TRAF3: variants seen among roughly 807,000 people sequenced by gnomAD.
The protein encoded by TRAF3 is TNF receptor associated factor 3.
Under a neutral mutation model 62.3 loss-of-function variants are expected in TRAF3, and 13 were observed. The ratio of observed to expected loss-of-function variants is 0.21; its 90% CI spans 0.14 to 0.33. The LOEUF (loss-of-function observed/expected upper bound fraction) is 0.33. TRAF3 is among the 10% of genes least tolerant of loss of function. The pLI is 1.00. For missense variants in TRAF3, 440 were observed against 741.8 expected, an observed-to-expected ratio of 0.59 and a Z score of 4.73; for synonymous variants, 269 against 283.4, an observed-to-expected ratio of 0.95 and a Z score of 0.51.
At position 102,876,612 on chromosome 14, in the gene TRAF3, G is replaced by A. The variant is rs537871556; in HGVS notation, c.570+87G>A. ...CTTCCGCTCAATTCGTAGATAATCC[G>A]TTCCACAGGCCTTCCCTCAACTCAT... On this transcript the variant is annotated intron_variant, in intron 6 of 11. Transcript: ENST00000392745. 204 of 1,523,110 alleles carry A rather than the reference G, an allele frequency of 1.3e-4. 1 individual carries two copies. The highest frequency in any genetic ancestry group is 1.1e-4 in the African/African-American group (8 of 72,316). 94.3% of individuals were successfully genotyped at this position (1,523,110 alleles called of 1,614,324 possible).
At chr14:102,895,190 A>G in intron 9 of TRAF3, 1 of 450,268 alleles carries the variant, frequency 2.2e-6, no homozygotes. Context: ...CCCGCTCCAC[A>G]TTCGTGCAGG....
chr14:102,811,487 CTCT>C (rs1457672378), intron 1 of TRAF3, among the ~76,000 whole-genome samples: 2 of 149,028 alleles, frequency 1.3e-5, no homozygotes, highest in East Asian at 3.9e-4. Flanking sequence ...CCATGCCTGG[CTCT>C]TGACCATTCC....
At chr14:102,882,562 A>ATTTTTTTTT (rs1266709056) in intron 6 of TRAF3, among the ~76,000 whole-genome samples, 1 of 109,878 alleles carries the variant, frequency 9.1e-6, no homozygotes. Context: ...ATTCCCATGT[A>ATTTTTTTTT]TTTTGTTTTT....
chr14:102,908,456 C>T lies in TRAF3; in HGVS notation c.*2672C>T, dbSNP rs1006378450. 4.6e-5 allele frequency: 7 copies of T among 152,474 alleles called. No individual in the cohort carries two copies. The highest frequency in any genetic ancestry group is 9.6e-5 in the African/African-American group (4 of 41,472). 9.4% of individuals were successfully genotyped at this position (152,474 alleles called of 1,614,324 possible). ...CAGCCTGGGACGGCGTCCCCTCTCC[C>T]GGCGGCGGGCAAGCCTTGCGCTGCT... On this transcript the variant is annotated 3_prime_UTR_variant, in exon 12 of 12. Transcript: ENST00000392745.
At chr14:102,895,021 A>G (rs1199048727) in intron 9 of TRAF3, 1 of 453,984 alleles carries the variant, frequency 2.2e-6, no homozygotes, top group African/African-American at 2.0e-5. Flanking sequence ...TGTTTTGGAG[A>G]CATTACTGAG....
chr14:102,903,836 C>T lies in TRAF3; in HGVS notation c.1135+407C>T, dbSNP rs1400307766. ...GGGCAGCAGTCCCACCGCGCTCTGC[C>T]AGCATGTTTCTGATCCACAAGCAGA... On this transcript the variant is annotated intron_variant, in intron 11 of 11. Coordinates refer to ENST00000392745, the MANE Select transcript of TRAF3 (RefSeq NM_145725.3). This position sits in a 1 kb window ranked among gnomAD's most constrained non-coding sequence, Gnocchi z 6.4. The T allele has an allele frequency of 2.2e-6, 1 of 461,412 alleles. No individual in the cohort carries two copies. The highest frequency in any genetic ancestry group is 2.4e-5 in the Admixed American group (1 of 42,372). 28.6% of individuals were successfully genotyped at this position (461,412 alleles called of 1,614,324 possible).
At chr14:102,780,968 C>G (rs1480442907) in intron 1 of TRAF3, among the ~76,000 whole-genome samples, 1 of 152,094 alleles carries the variant, frequency 6.6e-6, no homozygotes, top group African/African-American at 2.4e-5. Flanking sequence ...AGGGTGCTAA[C>G]CCTTCGGGGG....
chr14:102,837,157 G>T (rs557206346), intron 2 of TRAF3, among the ~76,000 whole-genome samples: 8 of 150,930 alleles, frequency 5.3e-5, no homozygotes, highest in Admixed American at 1.3e-4. Flanking sequence ...TTTTGGGGGG[G>T]GGTGAAGGTC....
At chr14:102,853,794 C>A (rs1187314273) in intron 2 of TRAF3, among the ~76,000 whole-genome samples, 1 of 149,430 alleles carries the variant, frequency 6.7e-6, no homozygotes, top group Non-Finnish European at 1.5e-5. Flanking sequence ...GCCGAGATTG[C>A]GGCACTGTAC....
chr14:102,846,451 A>ATGTTTGGTAGGGCTGCACACCTAGG (rs2139705305), intron 2 of TRAF3, among the ~76,000 whole-genome samples: 1 of 152,188 alleles, frequency 6.6e-6, no homozygotes, highest in African/African-American at 2.4e-5. Flanking sequence ...TATATAAGTT[A>ATGTTTGGTAGGGCTGCACACCTAGG]TGTTTGGTAG....
chr14:102,828,619 C>A (rs892574597), intron 1 of TRAF3, among the ~76,000 whole-genome samples: 1 of 152,146 alleles, frequency 6.6e-6, no homozygotes, highest in Admixed American at 6.5e-5. Context: ...ACAGATCATG[C>A]ATATATGTAT....
At chr14:102,839,210 C>CCTTTTTTTTTTTTTTTTTTTTT (rs1310697452) in intron 2 of TRAF3, among the ~76,000 whole-genome samples, 1 of 89,836 alleles carries the variant, frequency 1.1e-5, no homozygotes. Flanking sequence ...GTTGATTTGC[C>CCTTTTTTTTTTTTTTTTTTTTT]TTTTTTTTTT....
At chr14:102,834,045 C>T (rs1165427952) in intron 2 of TRAF3, among the ~76,000 whole-genome samples, 1 of 151,152 alleles carries the variant, frequency 6.6e-6, no homozygotes, top group Non-Finnish European at 1.5e-5. Context: ...TTTACAGACT[C>T]TCTGCTATTC....
intron 1 of TRAF3, among the ~76,000 whole-genome samples, chr14:102,818,427 T>G (rs144054386): frequency 6.6e-6 from 1 of 152,310 alleles, no homozygotes; most frequent in Non-Finnish European, 1.5e-5. Flanking sequence ...AGTGGAAGCA[T>G]TTGAGAAATC....
At chr14:102,793,979 G>A (rs575071748) in intron 1 of TRAF3, among the ~76,000 whole-genome samples, 25 of 152,268 alleles carry the variant, frequency 1.6e-4, no homozygotes, top group South Asian at 1.0e-3. Context: ...CCAGTCATGA[G>A]GGTCCAAGAG....
chr14:102,844,931 A>G (rs1201179789), intron 2 of TRAF3, among the ~76,000 whole-genome samples: 2 of 151,660 alleles, frequency 1.3e-5, no homozygotes, highest in Admixed American at 6.6e-5. Context: ...GGAGTCTCGC[A>G]CTGTTGCCCA....
intron 10 of TRAF3, among the ~76,000 whole-genome samples, chr14:102,900,072 G>A (rs1339906065): frequency 3.3e-5 from 5 of 151,382 alleles, no homozygotes; most frequent in African/African-American, 4.9e-5. Context: ...CCAGCTACTC[G>A]GGAGGCTGAG....
chr14:102,825,523 G>A lies in TRAF3; in HGVS notation c.-156-4811G>A, dbSNP rs565064151. Reference sequence around the variant, plus strand: ...AGCTGTGGGGCCCTCCTCTGTAGGCGCTGGCTGTTCCAGGAGGCACAAGAG... The same window carrying A: ...AGCTGTGGGGCCCTCCTCTGTAGGCACTGGCTGTTCCAGGAGGCACAAGAG... On this transcript the variant is annotated intron_variant, in intron 1 of 11. Transcript: ENST00000392745. Among the ~76,000 whole-genome samples the A allele has an allele frequency of 8.5e-5, 13 of 152,346 alleles. No individual in the cohort carries two copies. In the East Asian group the frequency reaches 1.3e-3, roughly 16 times the overall value.
intron 1 of TRAF3, among the ~76,000 whole-genome samples, chr14:102,801,955 G>T (rs1251264614): frequency 6.8e-6 from 1 of 148,098 alleles, no homozygotes; most frequent in African/African-American, 2.5e-5. Flanking sequence ...GGCGGAGCTT[G>T]CAGTGAGCCG....
Sources: gnomAD v4.1 joint callset for allele counts (sites outside exome capture counted in the v4.1 genomes callset) on GRCh38, gnomAD v4.1.1 for gene constraint, Gnocchi (gnomAD v3.1) non-coding constraint, MANE v1.5 for transcripts, NCBI Gene and HGNC (gene_info 2026-07-23, HGNC 2026-07-21) for gene names.